Variants in ZNF609 observed in about 807,000 individuals in gnomAD.
ZNF609 encodes the protein zinc finger protein 609.
A neutral mutation model predicts 109.5 loss-of-function variants in ZNF609; 11 were observed. The ratio of observed to expected loss-of-function variants is 0.10; its 90% CI spans 0.06 to 0.17. The LOEUF is 0.17. Among genes scored for constraint, ZNF609 ranks in the 10% least tolerant of loss-of-function variants. ZNF609 has a pLI of 1.00. For missense variants in ZNF609, 1,559 were observed against 1,772.4 expected (o/e 0.88, Z 2.16); for synonymous variants, 646 against 662.0 (o/e 0.98, Z 0.37).
intron 2 of ZNF609, among the ~76,000 whole-genome samples, chr15:64,514,148 T>C (rs1209350742): frequency 6.6e-6 from 1 of 151,460 alleles, no homozygotes; most frequent in African/African-American, 2.4e-5. Flanking sequence ...CCAGAGCATA[T>C]GCTCAATAAG....
chr15:64,583,050 C>G (rs1895138455), intron 2 of ZNF609, among the ~76,000 whole-genome samples: 2 of 150,086 alleles, frequency 1.3e-5, no homozygotes, highest in African/African-American at 4.9e-5. Flanking sequence ...CACGCCGGGC[C>G]AAGACAAGAG....
chr15:64,679,299 C>A (rs1256587903), intron 6 of ZNF609, among the ~76,000 whole-genome samples: 1 of 152,116 alleles, frequency 6.6e-6, no homozygotes, highest in Non-Finnish European at 1.5e-5. Flanking sequence ...CTTGAACTCC[C>A]GACCTCAGGT....
At chr15:64,502,815 C>T (rs1257026691) in intron 2 of ZNF609, 1 of 152,086 alleles carries the variant, frequency 6.6e-6, no homozygotes, top group Non-Finnish European at 1.5e-5. Flanking sequence ...GCCTGTAATC[C>T]CAGCACTTTG....
At chr15:64,628,907 G>A (rs2140979653) in intron 3 of ZNF609, among the ~76,000 whole-genome samples, 1 of 152,218 alleles carries the variant, frequency 6.6e-6, no homozygotes, top group South Asian at 2.1e-4. Context: ...TTACAGGCGT[G>A]AGCCACCATG....
At chr15:64,570,164 G>A (rs947912610) in intron 2 of ZNF609, among the ~76,000 whole-genome samples, 4 of 152,144 alleles carry the variant, frequency 2.6e-5, no homozygotes, top group African/African-American at 4.8e-5. Flanking sequence ...CTGACTGGCC[G>A]AGAGCTCTCT....
At chr15:64,478,872 T>A (rs2140335738) in intron 1 of ZNF609, among the ~76,000 whole-genome samples, 1 of 152,302 alleles carries the variant, frequency 6.6e-6, no homozygotes, top group African/African-American at 2.4e-5. Context: ...AACATATTAC[T>A]GATATTGTGA....
intron 1 of ZNF609, among the ~76,000 whole-genome samples, chr15:64,487,459 T>A (rs768306599): frequency 3.3e-5 from 5 of 152,192 alleles, no homozygotes; most frequent in African/African-American, 9.7e-5. Flanking sequence ...TCCATGTGTA[T>A]ACAGATATGT....
intron 3 of ZNF609, among the ~76,000 whole-genome samples, chr15:64,630,931 A>G (rs1312932252): frequency 1.3e-5 from 2 of 152,252 alleles, no homozygotes; most frequent in Non-Finnish European, 2.9e-5. Flanking sequence ...ACAATAAGCT[A>G]CTTCACATCT....
intron 3 of ZNF609, among the ~76,000 whole-genome samples, chr15:64,667,364 A>C (rs796784427): frequency 2.6e-5 from 4 of 152,338 alleles, no homozygotes; most frequent in African/African-American, 9.6e-5. Context: ...TAGACAAACA[A>C]AAGCTAATTC....
chr15:64,543,740 A>G (rs1372860562), intron 2 of ZNF609, among the ~76,000 whole-genome samples: 1 of 152,144 alleles, frequency 6.6e-6, no homozygotes, highest in African/African-American at 2.4e-5. Context: ...CACCACGCTC[A>G]GCCTCTCTGC....
At chr15:64,496,050 C>T (rs778399003) in intron 1 of ZNF609, among the ~76,000 whole-genome samples, 2 of 152,044 alleles carry the variant, frequency 1.3e-5, no homozygotes, top group Non-Finnish European at 2.9e-5. Flanking sequence ...AACTCCTGAC[C>T]TCAAGTGATC....
At position 64,463,223 on chromosome 15, in the gene ZNF609, C is replaced by T. The variant is rs143221592; in HGVS notation, c.-128+2385C>T. On this transcript the variant is annotated intron_variant, in intron 1 of 9. Transcript: ENST00000326648. ...CAGCTTGGGCAACATGGCAAAACCC[C>T]ATCTCAACAAAAAATATAAAAAATG... Among the ~76,000 whole-genome samples, 5 of 152,118 alleles carry T rather than the reference C, an allele frequency of 3.3e-5. No homozygotes were observed. The East Asian group carries it at 9.7e-4, about 29-fold the overall frequency.
intron 3 of ZNF609, among the ~76,000 whole-genome samples, chr15:64,657,015 T>C (rs1020166095): frequency 2.0e-5 from 3 of 152,262 alleles, no homozygotes; most frequent in Admixed American, 1.3e-4. Context: ...TCCCAGCACT[T>C]TGGGAGGCTG....
intron 2 of ZNF609, among the ~76,000 whole-genome samples, chr15:64,507,156 A>G (rs545970060): frequency 1.3e-5 from 2 of 152,248 alleles, no homozygotes. Context: ...GGTATGTTGG[A>G]TAGATGTTAC....
chr15:64,565,942 G>A (rs1161240155), intron 2 of ZNF609, among the ~76,000 whole-genome samples: 1 of 152,012 alleles, frequency 6.6e-6, no homozygotes, highest in African/African-American at 2.4e-5. Context: ...TCAACCTCCT[G>A]GGCTCAAGCA....
In ZNF609 at chr15:64,678,125, C is replaced by T; in HGVS notation, c.3412C>T (p.Pro1138Ser). 1 of 1,612,528 alleles carries T rather than the reference C, an allele frequency of 6.2e-7. No individual in the cohort carries two copies. The highest frequency in any genetic ancestry group is 1.7e-5 in the Admixed American group (1 of 59,946). Residue 1138 changes from proline (P) to serine (S), a missense_variant, in exon 6 of 10, where the codon CCC (proline) becomes TCC (serine). By Grantham distance (74) the Pro-to-Ser change is moderately conservative. Transcript: ENST00000326648. ...PILWYRQEAE[P>S]RMWTYVYPAK... The stretch of plus-strand genomic sequence containing the variant: ...TCTGTGATTGTTGTAGGAGGCAGAG[C>T]CCCGGATGTGGACATATGTTTATCC...
intron 1 of ZNF609, among the ~76,000 whole-genome samples, chr15:64,486,726 A>G (rs1893339857): frequency 6.6e-6 from 1 of 151,824 alleles, no homozygotes; most frequent in Non-Finnish European, 1.5e-5. Context: ...AGTGATTCTC[A>G]TGCCTCAGCC....
intron 1 of ZNF609, among the ~76,000 whole-genome samples, chr15:64,492,536 T>C (rs550372690): frequency 1.1e-4 from 16 of 152,192 alleles, no homozygotes; most frequent in Non-Finnish European, 2.1e-4. Flanking sequence ...TCGAGTTGTC[T>C]TCTTTTTATT....
intron 2 of ZNF609, among the ~76,000 whole-genome samples, chr15:64,576,822 CAAAAAAAAAAAAA>C (rs57802165): frequency 1.3e-5 from 1 of 79,934 alleles, no homozygotes; most frequent in South Asian, 3.7e-4. Flanking sequence ...GACTCCATCT[CAAAAAAAAAAAAA>C]AAAAAAAAAG....
Sources: gnomAD v4.1 joint callset for allele counts (sites outside exome capture counted in the v4.1 genomes callset) on GRCh38, gnomAD v4.1.1 for gene constraint, MANE v1.5 for transcripts, NCBI Gene and HGNC (gene_info 2026-07-23, HGNC 2026-07-21) for gene names.